The following USP10 variants were observed in gnomAD, a reference collection of about 807,000 sequenced individuals.
The protein encoded by USP10 is ubiquitin carboxyl-terminal hydrolase 10.
USP10 carries 22 observed loss-of-function variants against 84.5 expected under a neutral mutation model. The ratio of observed to expected loss-of-function variants is 0.26; its 90% CI spans 0.19 to 0.37. The LOEUF (loss-of-function observed/expected upper bound fraction) is 0.37. Among genes scored for constraint, USP10 ranks in the 10% least tolerant of loss-of-function variants. The pLI is 1.00. For synonymous variants in USP10, 454 were observed against 387.6 expected (o/e 1.17, Z -2.01); for missense variants, 1,019 against 998.9 (o/e 1.02, Z -0.27).
Position 84,764,132 on chromosome 16 carries a change from A to C in USP10, c.1701A>C (p.Glu567Asp). The part of the protein sequence containing the change: ...NGPKNHSVNE[E>D]EQEEQGEGSE... ...CCAAAAACCACTCGGTCAATGAAGA[A>C]GAGCAGGAAGAACAAGGTGAAGGAA... is the stretch of plus-strand genomic sequence containing the variant. The change falls in exon 10 of 14, where the codon GAA (glutamate) becomes GAC (aspartate). Residue 567 changes from glutamate to aspartate, a missense_variant. Glu to Asp is a conservative substitution (Grantham distance 45). This residue lies in a region of USP10 where 787 missense variants were observed against 708.8 expected (regional missense o/e 1.11). Coordinates refer to ENST00000219473, the MANE Select transcript of USP10 (RefSeq NM_005153.3). 1 of 1,613,932 alleles carries C rather than the reference A, an allele frequency of 6.2e-7. No homozygotes were observed. Among genetic ancestry groups the C allele is most frequent in the Non-Finnish European group, 8.5e-7 (1 of 1,179,818 alleles).
intron 4 of USP10, among the ~76,000 whole-genome samples, chr16:84,755,448 G>A (rs1042964850): frequency 1.3e-5 from 2 of 151,306 alleles, no homozygotes; most frequent in Non-Finnish European, 2.9e-5. Flanking sequence ...ACTCCTACAC[G>A]CTGCCCCCAC....
At chr16:84,775,042 T>G in intron 12 of USP10, 118 bp from the exon 13 acceptor site, 1 of 855,488 alleles carries the variant, frequency 1.2e-6, no homozygotes, top group Non-Finnish European at 2.0e-6. Context: ...GAGTGTTGTT[T>G]TGTTCCTGGT....
intron 2 of USP10, among the ~76,000 whole-genome samples, chr16:84,736,546 A>G (rs977080729): frequency 6.6e-6 from 1 of 152,236 alleles, no homozygotes; most frequent in African/African-American, 2.4e-5. Context: ...GAAAAAATGC[A>G]GTCACCTTAT....
chr16:84,709,630 C>T (rs894390629), intron 1 of USP10, among the ~76,000 whole-genome samples: 3 of 151,746 alleles, frequency 2.0e-5, no homozygotes, highest in Non-Finnish European at 2.9e-5. Context: ...CGGAGGGTGC[C>T]GTGGAGGTGG....
chr16:84,748,493 C>T (rs571914999), intron 4 of USP10, among the ~76,000 whole-genome samples: 39 of 151,900 alleles, frequency 2.6e-4, no homozygotes, highest in East Asian at 1.8e-3. Flanking sequence ...TAGTAGAGAC[C>T]GAGTTTCACC....
At chr16:84,710,045 G>C (rs991166802) in intron 1 of USP10, among the ~76,000 whole-genome samples, 4 of 152,158 alleles carry the variant, frequency 2.6e-5, no homozygotes, top group African/African-American at 9.7e-5. Flanking sequence ...CGAAGTAGAC[G>C]GATCACTTGA....
rs1296377330 is a variant in USP10, at chr16:84,774,403, G to A, written c.2144-757G>A. On this transcript the variant is annotated intron_variant, in intron 12 of 13. Coordinates refer to ENST00000219473, the MANE Select transcript of USP10 (RefSeq NM_005153.3). Reference sequence around the variant, plus strand: ...AGTAAGAGCAGGGAGTTCCCGCCTCGTAGCAGCTGGTAGACTGGTTCCTAT... The same window carrying A: ...AGTAAGAGCAGGGAGTTCCCGCCTCATAGCAGCTGGTAGACTGGTTCCTAT... Among the ~76,000 whole-genome samples, 5 of 152,232 alleles carry A rather than the reference G, an allele frequency of 3.3e-5. No individual in the cohort carries two copies. In the East Asian group the frequency reaches 5.8e-4, roughly 18 times the overall value.
At chr16:84,723,855 A>G (rs1025755330) in intron 1 of USP10, among the ~76,000 whole-genome samples, 1 of 152,236 alleles carries the variant, frequency 6.6e-6, no homozygotes, top group Non-Finnish European at 1.5e-5. Flanking sequence ...ATTCCCCAGA[A>G]TGACATTGAG....
In USP10 at chr16:84,745,420, C is replaced by G. The variant is rs751961546; in HGVS notation, c.939C>G (p.Asp313Glu). 8.1e-6 allele frequency: 13 copies of G among 1,613,638 alleles called. No individual in the cohort carries two copies. Among genetic ancestry groups the G allele is most frequent in the Non-Finnish European group, 9.3e-6 (11 of 1,179,728 alleles). Residue 313 changes from aspartate (D) to glutamate (E), a missense_variant, in exon 4 of 14, where the codon GAC becomes GAG. Physicochemically the swap from Asp to Glu is conservative, Grantham distance 45. Around this residue, in one of 2 missense-constraint regions of USP10, gnomAD observed 787 missense variants for 708.8 expected, o/e 1.11. Coordinates refer to ENST00000219473, the MANE Select transcript of USP10 (RefSeq NM_005153.3). ...ACACCACGGAAAGCATAGACTTGGA[C>G]CCAACCAAACCCGAGAGTGCATCAC... ...ELHTTESIDLDPTKPESASPP... is the reference protein window; with the variant it reads ...ELHTTESIDLEPTKPESASPP...
intron 2 of USP10, 74 bp from the exon 3 acceptor site, chr16:84,740,235 T>C: frequency 1.5e-6 from 2 of 1,345,408 alleles, no homozygotes; most frequent in Non-Finnish European, 2.1e-6. Context: ...AATGAATTGT[T>C]GCCTTAATTA....
At chr16:84,733,552 A>G in intron 2 of USP10, 49 bp downstream of exon 2, 4 of 1,257,594 alleles carry the variant, frequency 3.2e-6, no homozygotes, top group Non-Finnish European at 2.2e-6. Flanking sequence ...TACAATTAAT[A>G]GTTATGTTTC....
chr16:84,711,748 G>T (rs1906332675), intron 1 of USP10, among the ~76,000 whole-genome samples: 1 of 128,436 alleles, frequency 7.8e-6, no homozygotes. Flanking sequence ...TTTTGTCTGA[G>T]ATGGAGTCTT....
chr16:84,703,799 T>G (rs1343356305), intron 1 of USP10, among the ~76,000 whole-genome samples: 1 of 152,184 alleles, frequency 6.6e-6, no homozygotes, highest in Non-Finnish European at 1.5e-5. Context: ...ACAGATGGCC[T>G]GAGCAGCCGC....
intron 9 of USP10, among the ~76,000 whole-genome samples, chr16:84,763,319 TA>T: frequency 6.6e-6 from 1 of 152,262 alleles, no homozygotes; most frequent in East Asian, 1.9e-4. Context: ...ATCAAGCCTA[TA>T]AAAAAGCTGA....
chr16:84,744,527 T>A, intron 3 of USP10, 106 bp from the exon 4 acceptor site: 3 of 1,041,420 alleles, frequency 2.9e-6, no homozygotes. Flanking sequence ...ATTTGTTGAT[T>A]AGGAAGAGAA....
Position 84,772,632 on chromosome 16 carries a change from G to A in USP10, c.2090G>A (p.Cys697Tyr). Residue 697 changes from cysteine (C) to tyrosine (Y), a missense_variant, in exon 12 of 14, where the codon TGC becomes TAC. Cys to Tyr is a radical substitution (Grantham distance 194). Coordinates refer to ENST00000219473, the MANE Select transcript of USP10 (RefSeq NM_005153.3). ...KRFVYEKTGG[C>Y]QKLIKNIEYP... The stretch of plus-strand genomic sequence containing the variant: ...TTCGTTTATGAGAAGACTGGTGGGT[G>A]CCAGAAGCTTATCAAAAATATTGAA... 6.2e-7 allele frequency: 1 copy of A among 1,613,984 alleles called. No individual in the cohort carries two copies. The highest frequency in any genetic ancestry group is 8.5e-7 in the Non-Finnish European group (1 of 1,179,896).
At chr16:84,722,239 C>G (rs1175471010) in intron 1 of USP10, among the ~76,000 whole-genome samples, 10 of 152,222 alleles carry the variant, frequency 6.6e-5, no homozygotes, top group African/African-American at 2.2e-4. Context: ...CCTGACCCAA[C>G]TATTTAGATT....
At chr16:84,721,343 T>C (rs1174851893) in intron 1 of USP10, among the ~76,000 whole-genome samples, 1 of 152,228 alleles carries the variant, frequency 6.6e-6, no homozygotes, top group East Asian at 1.9e-4. Flanking sequence ...AAATAGAGCG[T>C]ACTGAGGAAT....
intron 1 of USP10, among the ~76,000 whole-genome samples, chr16:84,701,636 C>T (rs1904871837): frequency 6.6e-6 from 1 of 152,150 alleles, no homozygotes; most frequent in Admixed American, 6.6e-5. Flanking sequence ...TAGCTCACTT[C>T]CTTTATTTAA....
Sources: gnomAD v4.1 joint callset for allele counts (sites outside exome capture counted in the v4.1 genomes callset) on GRCh38, gnomAD v4.1.1 for gene constraint, gnomAD v4.1.1 regional missense constraint, MANE v1.5 for transcripts, NCBI Gene and HGNC (gene_info 2026-07-23, HGNC 2026-07-21) for gene names.